Variants in ZFAT observed in about 807,000 individuals in gnomAD.
The protein encoded by ZFAT is zinc finger protein ZFAT.
A neutral mutation model predicts 117.7 loss-of-function variants in ZFAT; 64 were observed. That is an observed-to-expected ratio of 0.54 (90% CI 0.44 to 0.67). The LOEUF is 0.67. Ranked by LOEUF, ZFAT falls within the 30% of genes least tolerant of loss-of-function variation. The pLI is 0.00. For synonymous variants in ZFAT, 679 were observed against 615.0 expected (o/e 1.10, Z -1.54); for missense variants, 1,433 against 1,584.5 (o/e 0.90, Z 1.62).
intron 15 of ZFAT, among the ~76,000 whole-genome samples, chr8:134,504,627 A>C (rs1449770936): frequency 6.6e-6 from 1 of 152,204 alleles, no homozygotes; most frequent in Non-Finnish European, 1.5e-5. Flanking sequence ...AAACGCCAAC[A>C]TGACTTCAAG....
At chr8:134,595,855 C>T (rs1365351025) in intron 7 of ZFAT, among the ~76,000 whole-genome samples, 2 of 152,198 alleles carry the variant, frequency 1.3e-5, no homozygotes, top group Admixed American at 6.5e-5. Flanking sequence ...CCAGATTATC[C>T]TACAGTCCTG....
At chr8:134,644,751 C>T (rs1280334107) in intron 2 of ZFAT, among the ~76,000 whole-genome samples, 1 of 151,930 alleles carries the variant, frequency 6.6e-6, no homozygotes, top group African/African-American at 2.4e-5. Flanking sequence ...TTCACAATCA[C>T]ACACACATGT....
chr8:134,546,596 AG>A (rs1482605426), intron 11 of ZFAT, among the ~76,000 whole-genome samples: 1 of 152,224 alleles, frequency 6.6e-6, no homozygotes, highest in Non-Finnish European at 1.5e-5. Context: ...TAGCTTCTTC[AG>A]TCTTACCTCT....
At chr8:134,653,503 G>A (rs1391535913) in intron 2 of ZFAT, among the ~76,000 whole-genome samples, 3 of 135,068 alleles carry the variant, frequency 2.2e-5, no homozygotes, top group Non-Finnish European at 3.0e-5. Flanking sequence ...GGGCTCAAGT[G>A]ATCCTCCTCC....
intron 3 of ZFAT, among the ~76,000 whole-genome samples, chr8:134,627,141 C>T (rs964028006): frequency 1.3e-5 from 2 of 152,198 alleles, no homozygotes; most frequent in South Asian, 2.1e-4. Flanking sequence ...GGGAAAGCCA[C>T]GGGAGGCCCA....
intron 3 of ZFAT, among the ~76,000 whole-genome samples, chr8:134,612,231 G>T (rs1291289067): frequency 6.6e-6 from 1 of 152,248 alleles, no homozygotes; most frequent in Admixed American, 6.5e-5. Flanking sequence ...AACGGATGAA[G>T]GGAAGCAGGG....
chr8:134,584,876 T>C (rs926283137), intron 9 of ZFAT, among the ~76,000 whole-genome samples: 1 of 150,040 alleles, frequency 6.7e-6, no homozygotes, highest in Non-Finnish European at 1.5e-5. Flanking sequence ...TTTTCACCCA[T>C]TATCTACACT....
At chr8:134,492,160 G>GGCAAGCA (rs796413332) in intron 15 of ZFAT, among the ~76,000 whole-genome samples, 39 of 151,946 alleles carry the variant, frequency 2.6e-4, no homozygotes, top group African/African-American at 8.7e-4. Context: ...CACGTGCTAC[G>GGCAAGCA]GCAAGCAACT....
At chr8:134,501,767 T>C (rs908831078) in intron 15 of ZFAT, among the ~76,000 whole-genome samples, 1 of 152,194 alleles carries the variant, frequency 6.6e-6, no homozygotes, top group East Asian at 1.9e-4. Flanking sequence ...GAGACTTGTT[T>C]ATAGTAGAAG....
At chr8:134,685,811 A>C (rs1019003969) in intron 1 of ZFAT, among the ~76,000 whole-genome samples, 4 of 152,214 alleles carry the variant, frequency 2.6e-5, no homozygotes, top group Non-Finnish European at 4.4e-5. Context: ...CCATAATTTT[A>C]AAAAACATGG....
chr8:134,694,206 G>A (rs1833721215), intron 1 of ZFAT, among the ~76,000 whole-genome samples: 1 of 152,186 alleles, frequency 6.6e-6, no homozygotes, highest in Non-Finnish European at 1.5e-5. Flanking sequence ...CGTGGCTGAG[G>A]TGTCCTTCCG....
chr8:134,530,048 T>C (rs1821300900), intron 12 of ZFAT, among the ~76,000 whole-genome samples: 1 of 152,186 alleles, frequency 6.6e-6, no homozygotes, highest in Non-Finnish European at 1.5e-5. Context: ...AGGATCCCTG[T>C]GGCATAGCAG....
intron 11 of ZFAT, among the ~76,000 whole-genome samples, chr8:134,557,086 GGA>G (rs1823685282): frequency 6.6e-6 from 1 of 152,078 alleles, no homozygotes; most frequent in Non-Finnish European, 1.5e-5. Flanking sequence ...AAGTGTAGGA[GGA>G]GAGTAAATGA....
At chr8:134,692,133 G>A (rs926511935) in intron 1 of ZFAT, among the ~76,000 whole-genome samples, 6 of 152,102 alleles carry the variant, frequency 3.9e-5, no homozygotes, top group Non-Finnish European at 7.3e-5. Context: ...CACCGTGCCC[G>A]GCCTGAACTA....
chr8:134,808,128 CAT>C, the ZFAT span, among the ~76,000 whole-genome samples: 11 of 152,352 alleles, frequency 7.2e-5, no homozygotes, highest in East Asian at 9.6e-4. Flanking sequence ...GCTAAGCTCA[CAT>C]GAGTAAGGAG....
the ZFAT span, among the ~76,000 whole-genome samples, chr8:134,769,527 A>G: frequency 0.75 from 114,759 of 152,110 alleles, 43,638 homozygotes; most frequent in African/African-American, 0.85. Flanking sequence ...CTTCCCTCCC[A>G]GCTACTTTCA....
chr8:134,756,203 A>G, the ZFAT span, among the ~76,000 whole-genome samples: 2 of 152,164 alleles, frequency 1.3e-5, no homozygotes, highest in African/African-American at 4.8e-5. Context: ...AGACCTCAAC[A>G]TCCCCCCTGC....
the ZFAT span, among the ~76,000 whole-genome samples, chr8:134,786,672 T>C: frequency 6.6e-6 from 1 of 152,088 alleles, no homozygotes; most frequent in Admixed American, 6.6e-5. Context: ...TTATTCAGAG[T>C]AGATTTTAAA....
the ZFAT span, among the ~76,000 whole-genome samples, chr8:134,768,798 A>G: frequency 2.0e-5 from 3 of 152,200 alleles, no homozygotes; most frequent in African/African-American, 7.2e-5. Context: ...CCCAAATCTC[A>G]TGTTGTCACT....
Sources: gnomAD v4.1 joint callset for allele counts (sites outside exome capture counted in the v4.1 genomes callset) on GRCh38, gnomAD v4.1.1 for gene constraint, MANE v1.5 for transcripts, NCBI Gene and HGNC (gene_info 2026-07-23, HGNC 2026-07-21) for gene names.